CCDC192: variants seen among roughly 807,000 people sequenced by gnomAD.
CCDC192 encodes the protein coiled-coil domain-containing protein 192.
rs533314213 is a variant in CCDC192 at position 127,929,404 on chromosome 5, G to A, written c.536-11778G>A. The stretch of plus-strand genomic sequence containing the variant: ...TCATCCCAAGGCTGATCAAAAGAAA[G>A]AAAATGAGGGATGGGGTGAAATTTT... On this transcript the variant is annotated intron_variant, in intron 6 of 6. Coordinates refer to ENST00000514853, the MANE Select transcript of CCDC192 (RefSeq NM_001317938.2). 2.6e-5 allele frequency among the ~76,000 whole-genome samples: 4 copies of A among 152,238 alleles called. No homozygotes were observed. The East Asian group carries it at 7.7e-4, about 29-fold the overall frequency.
intron 3 of CCDC192, among the ~76,000 whole-genome samples, chr5:127,796,357 G>A (rs1265605784): frequency 6.6e-6 from 1 of 152,228 alleles, no homozygotes; most frequent in East Asian, 1.9e-4. Context: ...GGGAGTTGCA[G>A]TGAATACAGA....
intron 6 of CCDC192, among the ~76,000 whole-genome samples, chr5:127,931,111 T>C (rs1754018349): frequency 6.6e-6 from 1 of 152,158 alleles, no homozygotes; most frequent in Admixed American, 6.5e-5. Flanking sequence ...TGCATGGTGG[T>C]GGTAACTGTT....
chr5:127,923,633 T>A (rs1580831878), intron 6 of CCDC192, among the ~76,000 whole-genome samples: 1 of 152,200 alleles, frequency 6.6e-6, no homozygotes, highest in South Asian at 2.1e-4. Context: ...CACCTCGGCC[T>A]TCCAAAGTGC....
chr5:127,926,629 G>A (rs1325338753), intron 6 of CCDC192, among the ~76,000 whole-genome samples: 2 of 152,114 alleles, frequency 1.3e-5, no homozygotes, highest in African/African-American at 4.8e-5. Context: ...GGAGAAACTG[G>A]GTATGAGATA....
chr5:127,817,385 C>A (rs937155989), intron 5 of CCDC192, among the ~76,000 whole-genome samples: 1 of 152,116 alleles, frequency 6.6e-6, no homozygotes, highest in Non-Finnish European at 1.5e-5. Context: ...AAACTGGTAA[C>A]AACTCAAATG....
intron 3 of CCDC192, among the ~76,000 whole-genome samples, chr5:127,765,266 G>A (rs1755153925): frequency 6.6e-6 from 1 of 152,308 alleles, no homozygotes; most frequent in Middle Eastern, 3.4e-3. Flanking sequence ...GTATGCAGAA[G>A]CAGATATGAA....
intron 3 of CCDC192, chr5:127,786,557 C>T: frequency 1.5e-6 from 1 of 675,904 alleles, no homozygotes; most frequent in Non-Finnish European, 2.8e-6. Context: ...CTCCAAGTCA[C>T]CAATGCAAGG....
chr5:127,811,423 AAGGCTGAACTT>A (rs1758076592), intron 5 of CCDC192, among the ~76,000 whole-genome samples: 1 of 152,160 alleles, frequency 6.6e-6, no homozygotes. Flanking sequence ...TTAATGTTTT[AAGGCTGAACTT>A]ACTTGAAACT....
At chr5:127,712,268 C>G (rs1751381707) in intron 2 of CCDC192, among the ~76,000 whole-genome samples, 1 of 152,110 alleles carries the variant, frequency 6.6e-6, no homozygotes, top group Non-Finnish European at 1.5e-5. Flanking sequence ...TTGTTTGTCC[C>G]CATCAAATCT....
chr5:127,732,895 G>A lies in CCDC192; in HGVS notation c.115-21373G>A, dbSNP rs141589852. Among the ~76,000 whole-genome samples the A allele has an allele frequency of 6.8e-3, 1,035 of 152,066 alleles. 6 individuals are homozygous for A. Among genetic ancestry groups the A allele is most frequent in the Admixed American group, 0.011 (161 of 15,262 alleles). On this transcript the variant is annotated intron_variant, in intron 2 of 6. Coordinates refer to ENST00000514853, the MANE Select transcript of CCDC192 (RefSeq NM_001317938.2). Reference sequence around the variant, plus strand: ...TCAGGGTAAATAGCTAATGCATGTGGGGCTTAATACCGAGGTGATGGGTTG... The same window carrying A: ...TCAGGGTAAATAGCTAATGCATGTGAGGCTTAATACCGAGGTGATGGGTTG...
Position 127,912,633 on chromosome 5 carries a change from G to A in CCDC192, c.536-28549G>A, listed in dbSNP as rs78103469. The stretch of plus-strand genomic sequence containing the variant: ...TTATCAGAGGTGGATTCCTTGTGGT[G>A]ATAAGAAGGTGTTCATTGGAGCTAT... On this transcript the variant is annotated intron_variant, in intron 6 of 6. Coordinates refer to ENST00000514853, the MANE Select transcript of CCDC192 (RefSeq NM_001317938.2). 9.8e-3 allele frequency among the ~76,000 whole-genome samples: 1,486 copies of A among 152,212 alleles called. 27 individuals are homozygous for A. Among genetic ancestry groups the A allele is most frequent in the African/African-American group, 0.033 (1,368 of 41,524 alleles).
At chr5:127,721,445 G>A (rs774681628) in intron 2 of CCDC192, among the ~76,000 whole-genome samples, 1 of 152,176 alleles carries the variant, frequency 6.6e-6, no homozygotes, top group Non-Finnish European at 1.5e-5. Context: ...GACCACCTCA[G>A]CCTGACTTCA....
chr5:127,809,797 A>G (rs969017045), intron 5 of CCDC192, among the ~76,000 whole-genome samples: 1 of 152,148 alleles, frequency 6.6e-6, no homozygotes, highest in African/African-American at 2.4e-5. Flanking sequence ...ATGGGTCTGG[A>G]GGGTGCCTGA....
chr5:127,814,907 C>A (rs919106883), intron 5 of CCDC192, among the ~76,000 whole-genome samples: 2 of 151,976 alleles, frequency 1.3e-5, no homozygotes, highest in African/African-American at 4.8e-5. Context: ...TTCAGTATGG[C>A]GAATTTTTAA....
intron 6 of CCDC192, among the ~76,000 whole-genome samples, chr5:127,895,523 T>C (rs1752855748): frequency 6.6e-6 from 1 of 152,150 alleles, no homozygotes; most frequent in Non-Finnish European, 1.5e-5. Context: ...GAGCACAATT[T>C]GCAAGATATT....
At chr5:127,935,294 G>A (rs114829410) in intron 6 of CCDC192, 53 of 152,288 alleles carry the variant, frequency 3.5e-4, no homozygotes, top group African/African-American at 1.3e-3. Flanking sequence ...GATGACTATG[G>A]AGGATACTTG....
At chr5:127,706,203 G>GA (rs994423689) in intron 1 of CCDC192, among the ~76,000 whole-genome samples, 1 of 152,110 alleles carries the variant, frequency 6.6e-6, no homozygotes, top group African/African-American at 2.4e-5. Flanking sequence ...TAGTGGGATA[G>GA]AAAATAATAA....
Position 127,923,442 on chromosome 5 carries a change from A to G in CCDC192, c.536-17740A>G, listed in dbSNP as rs1302411395. ...TCCCAGGCTGGAGTGCAGTGGTGCC[A>G]TCTTGGCTCACTGCAAGCTCCGCCT... On this transcript the variant is annotated intron_variant, in intron 6 of 6. Coordinates refer to ENST00000514853, the MANE Select transcript of CCDC192 (RefSeq NM_001317938.2). Among the ~76,000 whole-genome samples the G allele has an allele frequency of 2.7e-5, 4 of 147,830 alleles. No individual in the cohort carries two copies. In the Admixed American group the frequency reaches 2.7e-4, roughly 10 times the overall value.
intron 2 of CCDC192, among the ~76,000 whole-genome samples, chr5:127,725,144 A>G (rs892468647): frequency 8.5e-5 from 13 of 152,232 alleles, no homozygotes; most frequent in Admixed American, 5.2e-4. Flanking sequence ...TGCAATTAGC[A>G]AAAGAGGAAA....
Sources: allele counts gnomAD v4.1 joint callset (sites outside exome capture counted in the v4.1 genomes callset), GRCh38; gene constraint gnomAD v4.1.1; transcripts MANE v1.5; gene names NCBI Gene and HGNC (gene_info 2026-07-23, HGNC 2026-07-21).